Variants in FSTL4 observed in about 807,000 individuals in gnomAD.
The protein encoded by FSTL4 is follistatin like 4.
In FSTL4, 28 loss-of-function variants were observed where a neutral mutation model predicts 78.2. The ratio of observed to expected loss-of-function variants is 0.36; its 90% confidence interval spans 0.27 to 0.49. The LOEUF is 0.49. Among genes scored for constraint, FSTL4 ranks in the 20% least tolerant of loss-of-function variants. FSTL4 has a pLI of 0.98. For missense variants in FSTL4, 922 were observed against 1,084.9 expected (o/e 0.85, Z 2.11); for synonymous variants, 422 against 440.5 (o/e 0.96, Z 0.53).
intron 4 of FSTL4, among the ~76,000 whole-genome samples, chr5:133,336,765 T>C (rs1754472952): frequency 6.6e-6 from 1 of 152,100 alleles, no homozygotes; most frequent in Non-Finnish European, 1.5e-5. Context: ...GCCAGCCAGG[T>C]CCTTCATCCT....
chr5:133,688,353 T>C, the FSTL4 span, among the ~76,000 whole-genome samples: 2 of 151,982 alleles, frequency 1.3e-5, no homozygotes, highest in African/African-American at 4.8e-5. Flanking sequence ...GCGGAGGTTG[T>C]AGTGATCCGA....
At chr5:133,572,582 T>C (rs1303702218) in intron 2 of FSTL4, among the ~76,000 whole-genome samples, 2 of 152,124 alleles carry the variant, frequency 1.3e-5, no homozygotes, top group Admixed American at 6.5e-5. Context: ...TTCAGATGAA[T>C]GTATAGCTAT....
chr5:133,660,730 T>C, the FSTL4 span, among the ~76,000 whole-genome samples: 4 of 152,212 alleles, frequency 2.6e-5, no homozygotes, highest in African/African-American at 4.8e-5. Context: ...TGCCTACCTA[T>C]TTGCTCAGTG....
Position 133,561,741 on chromosome 5 carries a change from C to A in FSTL4, c.160+5445G>T, listed in dbSNP as rs146908254. 2.0e-5 allele frequency among the ~76,000 whole-genome samples: 3 copies of A among 152,304 alleles called. No homozygotes were observed. The East Asian group carries it at 5.8e-4, about 29-fold the overall frequency. The stretch of plus-strand genomic sequence containing the variant: ...TTGGGACTGATGGTTTGTACTATTA[C>A]TATCCGCATCCTTTTTCAGGTAAGG... On this transcript the variant is annotated intron_variant, in intron 3 of 15. Coordinates refer to ENST00000265342, the MANE Select transcript of FSTL4 (RefSeq NM_015082.2).
At chr5:133,467,127 G>GGT (rs774667496) in intron 3 of FSTL4, among the ~76,000 whole-genome samples, 5 of 150,388 alleles carry the variant, frequency 3.3e-5, no homozygotes, top group African/African-American at 9.8e-5. Context: ...TATGTATGTG[G>GGT]GTGTGTGTGT....
At chr5:133,764,923 C>A in the FSTL4 span, among the ~76,000 whole-genome samples, 1 of 152,188 alleles carries the variant, frequency 6.6e-6, no homozygotes, top group African/African-American at 2.4e-5. Flanking sequence ...GGGGGTAGAA[C>A]ATCCACATCA....
chr5:133,309,076 C>A (rs889954309), intron 6 of FSTL4, among the ~76,000 whole-genome samples: 1 of 152,174 alleles, frequency 6.6e-6, no homozygotes, highest in African/African-American at 2.4e-5. Context: ...CAGAACAGTG[C>A]AAAAACCATG....
chr5:133,688,234 C>T, the FSTL4 span, among the ~76,000 whole-genome samples: 1 of 152,112 alleles, frequency 6.6e-6, no homozygotes, highest in East Asian at 1.9e-4. Flanking sequence ...TACAGTAAAA[C>T]CCCGTCTCTA....
chr5:133,578,479 T>C (rs1760331604), intron 2 of FSTL4, among the ~76,000 whole-genome samples: 1 of 152,244 alleles, frequency 6.6e-6, no homozygotes, highest in Non-Finnish European at 1.5e-5. Flanking sequence ...TCCAGGGCTT[T>C]CTGACAGGAA....
chr5:133,737,941 A>C, the FSTL4 span, among the ~76,000 whole-genome samples: 1 of 151,992 alleles, frequency 6.6e-6, no homozygotes, highest in Non-Finnish European at 1.5e-5. Context: ...GGTAATGAAC[A>C]TGGGGATTTT....
chr5:133,277,942 C>T (rs1281000127), intron 6 of FSTL4, among the ~76,000 whole-genome samples: 3 of 152,296 alleles, frequency 2.0e-5, no homozygotes, highest in South Asian at 2.1e-4. Context: ...ACCCTCTGCC[C>T]ATTCTTGTGA....
the FSTL4 span, among the ~76,000 whole-genome samples, chr5:133,678,782 G>C: frequency 6.6e-6 from 1 of 152,156 alleles, no homozygotes; most frequent in Non-Finnish European, 1.5e-5. Context: ...ACCTAGGGAA[G>C]GGAGTGCAGA....
intron 3 of FSTL4, among the ~76,000 whole-genome samples, chr5:133,469,168 G>A (rs534988839): frequency 3.9e-5 from 6 of 152,342 alleles, no homozygotes; most frequent in Non-Finnish European, 8.8e-5. Context: ...GGAAAGCAGA[G>A]GGAGGTAAGG....
chr5:133,443,657 C>T (rs1456385175), intron 3 of FSTL4, among the ~76,000 whole-genome samples: 1 of 152,206 alleles, frequency 6.6e-6, no homozygotes, highest in East Asian at 1.9e-4. Context: ...TCAGGCCAGC[C>T]TGTCTGTGGG....
At chr5:133,418,967 T>A (rs371299647) in intron 3 of FSTL4, among the ~76,000 whole-genome samples, 3 of 152,208 alleles carry the variant, frequency 2.0e-5, no homozygotes, top group Admixed American at 2.0e-4. Context: ...GGATTTCCTA[T>A]AATTTTATAT....
At chr5:133,408,919 C>A (rs1756426040) in intron 3 of FSTL4, among the ~76,000 whole-genome samples, 1 of 152,106 alleles carries the variant, frequency 6.6e-6, no homozygotes, top group African/African-American at 2.4e-5. Context: ...AAAGTAGTAG[C>A]CATTTGGTTT....
At chr5:133,608,631 G>A (rs187618245) in intron 1 of FSTL4, among the ~76,000 whole-genome samples, 5 of 152,210 alleles carry the variant, frequency 3.3e-5, no homozygotes, top group Non-Finnish European at 5.9e-5. Context: ...AATGCTGAAG[G>A]ACCTCCACTA....
At chr5:133,737,247 T>TA in the FSTL4 span, among the ~76,000 whole-genome samples, 2 of 137,154 alleles carry the variant, frequency 1.5e-5, no homozygotes, top group Non-Finnish European at 3.2e-5. Context: ...CCACCTCCCC[T>TA]AATCCCCCCA....
intron 3 of FSTL4, among the ~76,000 whole-genome samples, chr5:133,404,799 G>A (rs962110541): frequency 2.6e-5 from 4 of 152,176 alleles, no homozygotes; most frequent in Admixed American, 6.5e-5. Context: ...CATGGAGCAG[G>A]AAGCCCCTCC....
Sources: allele counts gnomAD v4.1 joint callset (sites outside exome capture counted in the v4.1 genomes callset), GRCh38; gene constraint gnomAD v4.1.1; transcripts MANE v1.5; gene names NCBI Gene and HGNC (gene_info 2026-07-23, HGNC 2026-07-21).